Variants in CSMD1 observed in about 807,000 individuals in gnomAD.
The protein encoded by CSMD1 is CUB and Sushi multiple domains 1, also known as CUB and sushi domain-containing protein 1.
Under a neutral mutation model 417.5 loss-of-function variants are expected in CSMD1, and 213 were observed. That is an observed-to-expected ratio of 0.51 (90% CI 0.46 to 0.57). The LOEUF (loss-of-function observed/expected upper bound fraction) is 0.57. Among genes scored for constraint, CSMD1 ranks in the 20% least tolerant of loss-of-function variants. The pLI is 0.00. For missense variants in CSMD1, 6,923 were observed against 4,529.7 expected, an observed-to-expected ratio of 1.53 and a Z score of -15.17; for synonymous variants, 2,862 against 1,736.8, an observed-to-expected ratio of 1.65 and a Z score of -16.11.
At chr8:4,106,933 G>C (rs1380474740) in intron 3 of CSMD1, among the ~76,000 whole-genome samples, 2 of 152,148 alleles carry the variant, frequency 1.3e-5, no homozygotes, top group Non-Finnish European at 2.9e-5. Flanking sequence ...ACCAAAACGC[G>C]TTGTGGTTCT....
chr8:4,155,678 A>C (rs528617480), intron 3 of CSMD1, among the ~76,000 whole-genome samples: 1 of 152,252 alleles, frequency 6.6e-6, no homozygotes, highest in Admixed American at 6.5e-5. Flanking sequence ...GACAGATTTT[A>C]AGCAAATTTC....
chr8:3,971,767 G>A (rs1344474313), intron 5 of CSMD1, among the ~76,000 whole-genome samples: 1 of 152,144 alleles, frequency 6.6e-6, no homozygotes, highest in Admixed American at 6.5e-5. Context: ...TTCAGTAAAA[G>A]GAATTACCAG....
At chr8:3,087,357 G>GA in intron 48 of CSMD1, 72 bp from the exon 49 acceptor site, 1 of 1,475,954 alleles carries the variant, frequency 6.8e-7, no homozygotes, top group Non-Finnish European at 9.4e-7. Flanking sequence ...GCCTTTGTGA[G>GA]AGTCTATAAA....
chr8:4,551,852 G>C (rs1008230539), intron 2 of CSMD1, among the ~76,000 whole-genome samples: 7 of 132,884 alleles, frequency 5.3e-5, no homozygotes, highest in African/African-American at 2.0e-4. Context: ...CTAATTTTTT[G>C]TATTTTTTTT....
rs746822542 is a variant in CSMD1, at chr8:2,974,556, C to T, written c.8635G>A (p.Ala2879Thr). The T allele has an allele frequency of 6.1e-5, 98 of 1,613,010 alleles. No homozygotes were observed. In the East Asian group the frequency reaches 1.7e-3, roughly 29 times the overall value. ...CCTCTGCAGGAGTAGTGCACGACGG[C>T]GCCATAGGTAAACAGCTCTCCAGTG... ...VLTGELFTYG[A>T]VVHYSCRGSE... Residue 2879 changes from alanine (A) to threonine (T), a missense_variant, in exon 56 of 70, where the codon GCC (alanine) becomes ACC (threonine). Ala to Thr is a moderately conservative substitution (Grantham distance 58). Coordinates refer to ENST00000635120, the MANE Select transcript of CSMD1 (RefSeq NM_033225.6).
At chr8:2,973,020 A>G in intron 57 of CSMD1, 97 bp downstream of exon 57, 1 of 1,198,378 alleles carries the variant, frequency 8.3e-7, no homozygotes, top group Non-Finnish European at 1.2e-6. Context: ...TAAATAGTAC[A>G]AACCTCTAGA....
In CSMD1 at chr8:4,392,583, C is replaced by T. The variant is rs942618521; in HGVS notation, c.415+27370G>A. On this transcript the variant is annotated intron_variant, in intron 3 of 69. Coordinates refer to ENST00000635120, the MANE Select transcript of CSMD1 (RefSeq NM_033225.6). ...TATAAAAACTTGTGTAAATGGCTTT[C>T]ATCTGAATTTGCTATGAATTGAATA... is the stretch of plus-strand genomic sequence containing the variant. Among the ~76,000 whole-genome samples, 3 of 151,796 alleles carry T rather than the reference C, an allele frequency of 2.0e-5. No individual in the cohort carries two copies. In the East Asian group the frequency reaches 5.8e-4, roughly 30 times the overall value.
chr8:3,793,570 C>G (rs1304189811), intron 5 of CSMD1, among the ~76,000 whole-genome samples: 1 of 151,902 alleles, frequency 6.6e-6, no homozygotes, highest in Non-Finnish European at 1.5e-5. Flanking sequence ...CAAAGCCTGC[C>G]ACCCTGTACC....
chr8:4,420,778 T>C (rs917381648), intron 2 of CSMD1, among the ~76,000 whole-genome samples: 4 of 152,140 alleles, frequency 2.6e-5, no homozygotes, highest in Non-Finnish European at 4.4e-5. Flanking sequence ...TGATCCACAA[T>C]AGGACTCCCA....
chr8:3,338,618 T>A (rs567406898), intron 23 of CSMD1, among the ~76,000 whole-genome samples: 2 of 152,274 alleles, frequency 1.3e-5, no homozygotes, highest in East Asian at 3.9e-4. Flanking sequence ...TCAGGGCCTC[T>A]CCCGTGATAC....
rs1047515365 is a variant in CSMD1 at position 4,157,881 on chromosome 8, C to G, written c.416-125782G>C. On this transcript the variant is annotated intron_variant, in intron 3 of 69. Coordinates refer to ENST00000635120, the MANE Select transcript of CSMD1 (RefSeq NM_033225.6). ...GAAGTTGGGCTTGGTCCTATCCTCC[C>G]CACAGGACAACAGGATGCTGAACTT... Among the ~76,000 whole-genome samples, 3 of 152,086 alleles carry G rather than the reference C, an allele frequency of 2.0e-5. No homozygotes were observed. In the South Asian group the frequency reaches 6.2e-4, roughly 32 times the overall value.
intron 25 of CSMD1, among the ~76,000 whole-genome samples, chr8:3,286,081 G>T (rs1441074499): frequency 6.6e-6 from 1 of 152,016 alleles, no homozygotes; most frequent in Non-Finnish European, 1.5e-5. Flanking sequence ...GAGGCGTTTG[G>T]TTTTTTGTCC....
chr8:3,170,655 A>C (rs1009415818), intron 37 of CSMD1, among the ~76,000 whole-genome samples: 3 of 152,200 alleles, frequency 2.0e-5, no homozygotes, highest in Non-Finnish European at 4.4e-5. Context: ...TGTGAATTTA[A>C]TTTTTAATTA....
At chr8:4,227,265 G>A (rs1801416004) in intron 3 of CSMD1, among the ~76,000 whole-genome samples, 1 of 152,150 alleles carries the variant, frequency 6.6e-6, no homozygotes, top group Non-Finnish European at 1.5e-5. Context: ...GGACGAGCAA[G>A]ATGGCGACCA....
chr8:4,571,664 T>A (rs1798900427), intron 2 of CSMD1, among the ~76,000 whole-genome samples: 1 of 152,042 alleles, frequency 6.6e-6, no homozygotes. Flanking sequence ...GTCCACTGAG[T>A]TCAAGTCCTG....
At chr8:4,764,508 G>C (rs1420017195) in intron 1 of CSMD1, among the ~76,000 whole-genome samples, 1 of 151,978 alleles carries the variant, frequency 6.6e-6, no homozygotes, top group Non-Finnish European at 1.5e-5. Context: ...GTATTCCAAG[G>C]AATGGAATTC....
chr8:2,964,022 A>G (rs1477182255), intron 59 of CSMD1, among the ~76,000 whole-genome samples: 1 of 152,198 alleles, frequency 6.6e-6, no homozygotes, highest in East Asian at 1.9e-4. Flanking sequence ...ATGTCACGAG[A>G]GATCACCTTC....
chr8:3,509,152 G>A (rs1323771129), intron 10 of CSMD1, among the ~76,000 whole-genome samples: 1 of 152,112 alleles, frequency 6.6e-6, no homozygotes, highest in African/African-American at 2.4e-5. Flanking sequence ...CAGTAGATAA[G>A]GTCAACTCAA....
chr8:4,637,839 T>G (rs1802931821), intron 1 of CSMD1, among the ~76,000 whole-genome samples: 1 of 147,828 alleles, frequency 6.8e-6, no homozygotes, highest in Non-Finnish European at 1.5e-5. Flanking sequence ...CCCGGCTAAT[T>G]TTTTGTATTT....
Sources: gnomAD v4.1 joint callset for allele counts (sites outside exome capture counted in the v4.1 genomes callset) on GRCh38, gnomAD v4.1.1 for gene constraint, MANE v1.5 for transcripts, NCBI Gene and HGNC (gene_info 2026-07-23, HGNC 2026-07-21) for gene names.